The following IPO11 variants were observed in gnomAD, a reference collection of about 807,000 sequenced individuals.
IPO11 encodes importin-11.
A neutral mutation model predicts 143.2 loss-of-function variants in IPO11; 66 were observed. The observed-to-expected ratio is 0.46, with a 90% CI of 0.38 to 0.57. The LOEUF (loss-of-function observed/expected upper bound fraction) is 0.57, where lower values mean the gene tolerates loss of function less well. Ranked by LOEUF, IPO11 falls within the 20% of genes least tolerant of loss-of-function variation. IPO11 has a pLI of 0.00. For missense variants in IPO11, 1,026 were observed against 1,141.0 expected, an observed-to-expected ratio of 0.90 and a Z score of 1.45; for synonymous variants, 385 against 377.8, an observed-to-expected ratio of 1.02 and a Z score of -0.22.
At chr5:62,444,832 G>A (rs1056943356) in intron 3 of IPO11, among the ~76,000 whole-genome samples, 1 of 151,850 alleles carries the variant, frequency 6.6e-6, no homozygotes, top group African/African-American at 2.4e-5. Context: ...ACGTGCCACT[G>A]CACTCCAGCC....
intron 13 of IPO11, among the ~76,000 whole-genome samples, chr5:62,488,312 C>A (rs530788278): frequency 8.5e-5 from 13 of 152,328 alleles, no homozygotes; most frequent in African/African-American, 3.1e-4. Flanking sequence ...TATTAACTAA[C>A]ATTGATTTAT....
At chr5:62,598,426 TTCTTTCTCTCTC>T (rs1745328779) in intron 28 of IPO11, among the ~76,000 whole-genome samples, 1 of 3,746 alleles carries the variant, frequency 2.7e-4, no homozygotes, top group Admixed American at 3.2e-3. Context: ...CTTTCTTTCT[TTCTTTCTCTCTC>T]TCTCTCTCTC....
At chr5:62,471,950 C>T (rs1745784791) in intron 7 of IPO11, among the ~76,000 whole-genome samples, 1 of 152,150 alleles carries the variant, frequency 6.6e-6, no homozygotes, top group Admixed American at 6.5e-5. Flanking sequence ...TGCCCCTCCA[C>T]AGTATTGATA....
At chr5:62,590,405 G>A (rs568028904) in intron 27 of IPO11, among the ~76,000 whole-genome samples, 1 of 152,184 alleles carries the variant, frequency 6.6e-6, no homozygotes, top group African/African-American at 2.4e-5. Context: ...GTGGGTTTTA[G>A]TGCCTAAAAA....
At chr5:62,488,880 G>A (rs1746507030) in intron 13 of IPO11, among the ~76,000 whole-genome samples, 3 of 152,014 alleles carry the variant, frequency 2.0e-5, no homozygotes, top group Admixed American at 6.5e-5. Context: ...GTTAGTACCT[G>A]TAGTCCTAGC....
At position 62,579,937 on chromosome 5, in the gene IPO11, C is replaced by A; in HGVS notation, c.2583-11640C>A. 6.4e-7 allele frequency: 1 copy of A among 1,551,186 alleles called. No individual in the cohort carries two copies. The highest frequency in any genetic ancestry group is 1.4e-5 in the African/African-American group (1 of 73,094). On this transcript the variant is annotated intron_variant, in intron 27 of 29. Transcript: ENST00000325324. ...TCAGTACTTAAATCTACAAAGGAAT[C>A]GCCTCACTGTCCTTGGGAGTGGTAC...
intron 1 of IPO11, among the ~76,000 whole-genome samples, chr5:62,432,056 G>C (rs1255984022): frequency 3.9e-5 from 6 of 152,026 alleles, no homozygotes; most frequent in Admixed American, 3.9e-4. Flanking sequence ...CACTCAGCCC[G>C]AAAAAACTGA....
At chr5:62,543,647 T>C (rs377628119) in intron 24 of IPO11, among the ~76,000 whole-genome samples, 1 of 152,038 alleles carries the variant, frequency 6.6e-6, no homozygotes, top group Non-Finnish European at 1.5e-5. Context: ...CTCCTGGATT[T>C]ATTGATTTTT....
At chr5:62,561,917 A>G (rs1743786171) in intron 27 of IPO11, 1 of 152,242 alleles carries the variant, frequency 6.6e-6, no homozygotes, top group South Asian at 2.1e-4. Context: ...TAAATAACAT[A>G]CAGCTTCATT....
intron 29 of IPO11, among the ~76,000 whole-genome samples, chr5:62,609,220 C>T (rs1259025089): frequency 6.6e-6 from 1 of 152,182 alleles, no homozygotes; most frequent in Non-Finnish European, 1.5e-5. Context: ...TTAGAAGATA[C>T]CCCATCAGCA....
intron 24 of IPO11, among the ~76,000 whole-genome samples, chr5:62,548,606 C>G (rs1743290266): frequency 6.6e-6 from 1 of 152,128 alleles, no homozygotes; most frequent in Non-Finnish European, 1.5e-5. Flanking sequence ...ATCTAGCACT[C>G]TGTTTCTTAG....
At chr5:62,458,029 C>T (rs1219391585) in intron 5 of IPO11, among the ~76,000 whole-genome samples, 1 of 151,476 alleles carries the variant, frequency 6.6e-6, no homozygotes, top group South Asian at 2.1e-4. Context: ...CGCCTGTAGT[C>T]CCAGCTACTC....
intron 12 of IPO11, among the ~76,000 whole-genome samples, chr5:62,486,596 T>C (rs994154116): frequency 2.6e-5 from 4 of 152,176 alleles, no homozygotes; most frequent in Non-Finnish European, 5.9e-5. Flanking sequence ...CTTTTTAAGA[T>C]TTGCACTTAC....
intron 24 of IPO11, among the ~76,000 whole-genome samples, chr5:62,547,072 A>C (rs899873009): frequency 6.6e-6 from 1 of 152,206 alleles, no homozygotes; most frequent in East Asian, 1.9e-4. Flanking sequence ...TCTAACTGTT[A>C]CGATGTTGGT....
chr5:62,625,648 T>TC (rs1746539377), intron 29 of IPO11, among the ~76,000 whole-genome samples: 1 of 152,198 alleles, frequency 6.6e-6, no homozygotes, highest in East Asian at 1.9e-4. Flanking sequence ...AACCAGGAAT[T>TC]TTTCCGATCT....
intron 1 of IPO11, among the ~76,000 whole-genome samples, chr5:62,420,587 T>G (rs1743478745): frequency 6.6e-6 from 1 of 151,866 alleles, no homozygotes; most frequent in South Asian, 2.1e-4. Context: ...AAACTTTTTT[T>G]TTTTTTTTTT....
At chr5:62,525,297 T>A (rs1742330564) in intron 20 of IPO11, among the ~76,000 whole-genome samples, 1 of 152,176 alleles carries the variant, frequency 6.6e-6, no homozygotes, top group African/African-American at 2.4e-5. Flanking sequence ...TACACACTTC[T>A]GCACCTTTTA....
intron 1 of IPO11, among the ~76,000 whole-genome samples, chr5:62,423,284 A>G (rs992819416): frequency 5.3e-5 from 8 of 152,114 alleles, no homozygotes; most frequent in African/African-American, 1.7e-4. Context: ...AGAAATCATA[A>G]TTTCTGTTAC....
intron 29 of IPO11, among the ~76,000 whole-genome samples, chr5:62,606,603 G>A (rs1745728372): frequency 2.0e-5 from 3 of 151,530 alleles, no homozygotes; most frequent in South Asian, 2.1e-4. Flanking sequence ...TCGGGAGGCC[G>A]AGATAGGCAG....
Sources: allele counts gnomAD v4.1 joint callset (sites outside exome capture counted in the v4.1 genomes callset), GRCh38; gene constraint gnomAD v4.1.1; transcripts MANE v1.5; gene names NCBI Gene and HGNC (gene_info 2026-07-23, HGNC 2026-07-21).